CAPN15: variants seen among roughly 807,000 people sequenced by gnomAD.
CAPN15 encodes calpain 15.
A neutral mutation model predicts 97.9 loss-of-function variants in CAPN15; 53 were observed. The observed-to-expected ratio is 0.54, with a 90% CI of 0.43 to 0.68. The LOEUF (loss-of-function observed/expected upper bound fraction) is 0.68. Ranked by LOEUF, CAPN15 falls within the 30% of genes least tolerant of loss-of-function variation. The pLI is 0.00. For synonymous variants in CAPN15, 922 were observed against 722.5 expected, an observed-to-expected ratio of 1.28 and a Z score of -4.43; for missense variants, 1,592 against 1,589.8, an observed-to-expected ratio of 1.00 and a Z score of -0.02.
chr16:528,933 T>G (rs1213775598), intron 1 of CAPN15, among the ~76,000 whole-genome samples: 1 of 152,204 alleles, frequency 6.6e-6, no homozygotes, highest in Non-Finnish European at 1.5e-5. Context: ...TGCCTCCGCG[T>G]TTCCAGAGTC....
intron 1 of CAPN15, chr16:528,839 C>A: frequency 1.2e-6 from 1 of 855,424 alleles, no homozygotes; most frequent in Non-Finnish European, 1.4e-6. Context: ...GCTTCTCCTT[C>A]GGGAAACCCG....
chr16:533,319 C>T (rs963954014), intron 1 of CAPN15, among the ~76,000 whole-genome samples: 5 of 152,232 alleles, frequency 3.3e-5, no homozygotes, highest in African/African-American at 7.2e-5. Flanking sequence ...AAGGACAGGG[C>T]GGGAAGCGTG....
intron 7 of CAPN15, among the ~76,000 whole-genome samples, chr16:550,222 C>A (rs2034893254): frequency 6.6e-6 from 1 of 152,230 alleles, no homozygotes; most frequent in African/African-American, 2.4e-5. Flanking sequence ...TGTGCCTCGA[C>A]CCCCAGGGGC....
chr16:551,857 G>A (rs1417871345), intron 9 of CAPN15, 193 bp downstream of exon 9: 10 of 965,526 alleles, frequency 1.0e-5, no homozygotes, highest in East Asian at 5.2e-5. Context: ...AGATTCCAGC[G>A]CCCTGAAGAG....
At position 527,827 on chromosome 16, in the gene CAPN15, AGGGGCC is replaced by A. The variant is rs940341219; in HGVS notation, c.-383_-378del. On this transcript the variant is annotated 5_prime_UTR_variant, in exon 1 of 14. Transcript: ENST00000219611. ...CGTAAGGCGGGCGCCGGACGCGGGC[AGGGGCC>A]GGGGCCGGAGCCGGGTCGGGGCGCC... 6.8e-6 allele frequency: 1 copy of A among 146,558 alleles called. No homozygotes were observed. Among genetic ancestry groups the A allele is most frequent in the African/African-American group, 2.5e-5 (1 of 40,486 alleles). The allele number at this position is 146,558 out of a possible 1,614,324, so 9.1% of individuals were successfully genotyped here. A position where few individuals can be genotyped will look rare whatever the true frequency, so the allele number is the denominator to read the frequency against.
chr16:547,381 C>G lies in CAPN15; in HGVS notation c.543C>G (p.Ala181=). The G allele has an allele frequency of 1.1e-5, 17 of 1,558,074 alleles. No individual in the cohort carries two copies. Among genetic ancestry groups the G allele is most frequent in the Non-Finnish European group, 1.5e-5 (17 of 1,159,094 alleles). ...CGCTGCCACGGATCCCTCCTGAGGC[C>G]CTGGTGGTCCCGGAAGTGGTGGCCC... The part of the protein sequence containing the change: ...RLSLPRIPPE[A]LVVPEVVAPA... Residue 181 remains alanine, a synonymous_variant, in exon 4 of 14, where the codon GCC becomes GCG. Coordinates refer to ENST00000219611, the MANE Select transcript of CAPN15 (RefSeq NM_005632.3).
chr16:552,888 A>G lies in CAPN15; in HGVS notation c.2930A>G (p.Tyr977Cys), dbSNP rs201505616. 4 of 1,608,892 alleles carry G rather than the reference A, an allele frequency of 2.5e-6. No individual in the cohort carries two copies. In the Admixed American group the frequency reaches 5.0e-5, roughly 20 times the overall value. Residue 977 changes from tyrosine (Y) to cysteine (C), a missense_variant, in exon 13 of 14, where the codon TAC becomes TGC. Coordinates refer to ENST00000219611, the MANE Select transcript of CAPN15 (RefSeq NM_005632.3). This position sits in a 1 kb window ranked among gnomAD's most constrained non-coding sequence, Gnocchi z 6.4. ...GGCCGTGAGGGCATGACCTGCTACTACCTGACACACGGTTGGGCGGGGCTC... is the reference window on the plus strand; with the variant it reads ...GGCCGTGAGGGCATGACCTGCTACTGCCTGACACACGGTTGGGCGGGGCTC... ...HEGREGMTCY[Y>C]LTHGWAGLIV...
rs371743936 is a variant in CAPN15 at position 549,512 on chromosome 16, C to G, written c.1842+41C>G. 42 of 1,546,164 alleles carry G rather than the reference C, an allele frequency of 2.7e-5. No individual in the cohort carries two copies. The East Asian group carries it at 6.9e-4, about 25-fold the overall frequency. ...GGGTGGGCACGGGCGGCAGGGGCAG[C>G]CTCTGACCCCAGCCCCGAAAACAAG... On this transcript the variant is annotated intron_variant, in intron 6 of 13. Coordinates refer to ENST00000219611, the MANE Select transcript of CAPN15 (RefSeq NM_005632.3).
chr16:536,193 T>A, intron 3 of CAPN15, 51 bp downstream of exon 3: 1 of 531,548 alleles, frequency 1.9e-6, no homozygotes, highest in Non-Finnish European at 2.4e-6. Context: ...GCCCTGTCCC[T>A]GCTGTCCTCA....
intron 3 of CAPN15, among the ~76,000 whole-genome samples, 188 bp downstream of exon 3, chr16:536,330 C>T (rs2033721545): frequency 6.6e-6 from 1 of 152,192 alleles, no homozygotes; most frequent in African/African-American, 2.4e-5. Context: ...TCCCTCCTTC[C>T]CACCACTTCT....
At chr16:551,860 C>G (rs902067550) in intron 9 of CAPN15, 191 bp from the exon 10 acceptor site, 3 of 980,986 alleles carry the variant, frequency 3.1e-6, no homozygotes, top group African/African-American at 3.2e-5. Context: ...TTCCAGCGCC[C>G]TGAAGAGCCG....
chr16:553,009 G>A lies in CAPN15; in HGVS notation c.3051G>A (p.Leu1017=), dbSNP rs748271111. The A allele has an allele frequency of 5.6e-6, 9 of 1,607,202 alleles. No homozygotes were observed. The South Asian group carries it at 8.8e-5, about 16-fold the overall frequency. ...ACGTGGTGTCCACACGCGGCAGCCTGCGTACCCAGGATAGCGTGCCACCCC... is the reference window on the plus strand; with the variant it reads ...ACGTGGTGTCCACACGCGGCAGCCTACGTACCCAGGATAGCGTGCCACCCC... ...SFNVVSTRGS[L]RTQDSVPPLH... The change falls in exon 13 of 14, where the codon CTG becomes CTA. Residue 1017 remains leucine, a synonymous_variant. Transcript: ENST00000219611.
chr16:536,368 C>T (rs984357225), intron 3 of CAPN15, among the ~76,000 whole-genome samples: 1 of 152,148 alleles, frequency 6.6e-6, no homozygotes, highest in African/African-American at 2.4e-5. Flanking sequence ...GCCCTCCCAT[C>T]GGAGTCTTCC....
rs559306885 is a variant in CAPN15, at chr16:554,349, G to C, written c.*833G>C. The C allele has an allele frequency of 1.3e-5, 5 of 372,158 alleles. No homozygotes were observed. The highest frequency in any genetic ancestry group is 2.0e-5 in the South Asian group (1 of 50,214). The allele number at this position is 372,158 out of a possible 1,614,324, so 23.1% of individuals were successfully genotyped here. Reference sequence around the variant, plus strand: ...TGGACGTCTGAGCCCAGCTTTCTGCGTGCCCTCCTGGCCCCTCACTCCCGG... The same window carrying C: ...TGGACGTCTGAGCCCAGCTTTCTGCCTGCCCTCCTGGCCCCTCACTCCCGG... On this transcript the variant is annotated 3_prime_UTR_variant, in exon 14 of 14. Coordinates refer to ENST00000219611, the MANE Select transcript of CAPN15 (RefSeq NM_005632.3).
chr16:534,058 T>C (rs968320336), intron 2 of CAPN15, 60 bp downstream of exon 2: 4 of 885,272 alleles, frequency 4.5e-6, no homozygotes, highest in Non-Finnish European at 5.4e-6. Flanking sequence ...GCAGAACTGT[T>C]TGTGGAGCAG....
In CAPN15 at chr16:544,858, C is replaced by T. The variant is rs1162789997; in HGVS notation, c.-22-1959C>T. On this transcript the variant is annotated intron_variant, in intron 3 of 13. Transcript: ENST00000219611. ...ACGTCGCCTCCCCCACGTCGCCTCC[C>T]CCACGTCGCCTCCCCTCACGTCGTC... Among the ~76,000 whole-genome samples the T allele has an allele frequency of 3.2e-4, 32 of 101,070 alleles. 1 individual carries two copies. Among genetic ancestry groups the T allele is most frequent in the African/African-American group, 1.9e-3 (30 of 15,814 alleles). 66.3% of individuals were successfully genotyped at this position (101,070 alleles called of 152,430 possible). A position where few individuals can be genotyped will look rare whatever the true frequency, so the allele number is the denominator to read the frequency against.
chr16:547,838 G>GCCAGCCCCT lies in CAPN15; in HGVS notation c.1009_1017dup (p.Ser337_Pro339dup), dbSNP rs777690667. 18 of 1,610,578 alleles carry GCCAGCCCCT rather than the reference G, an allele frequency of 1.1e-5. No homozygotes were observed. The highest frequency in any genetic ancestry group is 1.4e-5 in the Non-Finnish European group (17 of 1,179,132). ...CGGAGACACCGTGCGTTACACGCCC[G>GCCAGCCCCT]CCAGCCCCTCCAGCCCCGACTTCAC... is the stretch of plus-strand genomic sequence containing the variant. On this transcript the variant is annotated inframe_insertion, in exon 4 of 14. Coordinates refer to ENST00000219611, the MANE Select transcript of CAPN15 (RefSeq NM_005632.3).
At chr16:534,448 G>C (rs1038379640) in intron 2 of CAPN15, among the ~76,000 whole-genome samples, 2 of 152,178 alleles carry the variant, frequency 1.3e-5, no homozygotes, top group African/African-American at 4.8e-5. Context: ...TGGGGCGGGC[G>C]GTCGGAGTCC....
chr16:541,389 G>A (rs576966462), intron 3 of CAPN15, among the ~76,000 whole-genome samples: 1 of 152,340 alleles, frequency 6.6e-6, no homozygotes, highest in Admixed American at 6.5e-5. Context: ...GCCGTGTGGG[G>A]GAGCCCTGGA....
Sources: gnomAD v4.1 joint callset for allele counts (sites outside exome capture counted in the v4.1 genomes callset) on GRCh38, gnomAD v4.1.1 for gene constraint, Gnocchi (gnomAD v3.1) non-coding constraint, MANE v1.5 for transcripts, NCBI Gene and HGNC (gene_info 2026-07-23, HGNC 2026-07-21) for gene names.